Variants in CPNE3 observed in about 807,000 individuals in gnomAD.
CPNE3 encodes copine-3.
Under a neutral mutation model 63.9 loss-of-function variants are expected in CPNE3, and 68 were observed. That is an observed-to-expected ratio of 1.06 (90% CI 0.87 to 1.30). The LOEUF (loss-of-function observed/expected upper bound fraction) is 1.30, where lower values mean the gene tolerates loss of function less well. CPNE3 is among the 50% of genes most tolerant of loss of function. The pLI is 0.00. For missense variants in CPNE3, 665 were observed against 578.1 expected (o/e 1.15, Z -1.54); for synonymous variants, 219 against 197.5 (o/e 1.11, Z -0.91).
chr8:86,524,373 T>C lies in CPNE3; in HGVS notation c.-10-4163T>C, dbSNP rs531291060. ...CAGCTCCTTATGTTTATCTCTGTTA[T>C]AATATTGATTCAGAACGTTAGGGTG... is the stretch of plus-strand genomic sequence containing the variant. On this transcript the variant is annotated intron_variant, in intron 2 of 16. Transcript: ENST00000517490. Among the ~76,000 whole-genome samples the C allele has an allele frequency of 6.6e-5, 10 of 152,320 alleles. No individual in the cohort carries two copies. The South Asian group carries it at 1.7e-3, about 25-fold the overall frequency.
In CPNE3 at chr8:86,539,657, G is replaced by A. The variant is rs943594700; in HGVS notation, c.544-588G>A. On this transcript the variant is annotated intron_variant, in intron 7 of 16. Coordinates refer to ENST00000517490, the MANE Select transcript of CPNE3 (RefSeq NM_003909.5). ...TTGCTATTAAAATCAATAATCCTCC[G>A]CAGTTTTTTTTTTTTTTTTTTTTGA... is the stretch of plus-strand genomic sequence containing the variant. Among the ~76,000 whole-genome samples the A allele has an allele frequency of 9.8e-5, 13 of 132,550 alleles. 2 individuals carry two copies. In the South Asian group the frequency reaches 1.9e-3, roughly 19 times the overall value. The allele number at this position is 132,550 out of a possible 152,430, so 87.0% of individuals were successfully genotyped here.
At chr8:86,517,209 A>G (rs1820335339) in intron 2 of CPNE3, among the ~76,000 whole-genome samples, 1 of 152,250 alleles carries the variant, frequency 6.6e-6, no homozygotes, top group Admixed American at 6.5e-5. Flanking sequence ...TTTAAAAGAC[A>G]TTAAAATTCA....
chr8:86,556,470 C>T (rs1821329327), intron 16 of CPNE3, 132 bp downstream of exon 16: 1 of 701,614 alleles, frequency 1.4e-6, no homozygotes, highest in Admixed American at 2.0e-5. Flanking sequence ...CATTTGAGAG[C>T]TCCGATTTGG....
chr8:86,519,776 C>T (rs970354484), intron 2 of CPNE3, among the ~76,000 whole-genome samples: 15 of 152,174 alleles, frequency 9.9e-5, no homozygotes, highest in African/African-American at 2.4e-4. Flanking sequence ...TGCAATGGCA[C>T]GATCTTGGCT....
chr8:86,523,001 C>G (rs764811888), intron 2 of CPNE3, among the ~76,000 whole-genome samples: 6 of 152,166 alleles, frequency 3.9e-5, no homozygotes, highest in Non-Finnish European at 5.9e-5. Context: ...ATTATTGTTT[C>G]AAGAAGCTTT....
Position 86,551,016 on chromosome 8 carries a change from G to A in CPNE3, c.1014-30G>A, listed in dbSNP as rs1301131107. 1.2e-5 allele frequency: 18 copies of A among 1,527,326 alleles called. No individual in the cohort carries two copies. The Admixed American group carries it at 3.6e-4, about 30-fold the overall frequency. The allele number at this position is 1,527,326 out of a possible 1,614,324, so 94.6% of individuals were successfully genotyped here. ...AAAGCTTTTTATTTTGGAAAAAACAGTATTTTATTAAATATTTTTTTCTTT... is the reference window on the plus strand; with the variant it reads ...AAAGCTTTTTATTTTGGAAAAAACAATATTTTATTAAATATTTTTTTCTTT... On this transcript the variant is annotated intron_variant, in intron 12 of 16. Coordinates refer to ENST00000517490, the MANE Select transcript of CPNE3 (RefSeq NM_003909.5).
chr8:86,547,686 A>C, intron 10 of CPNE3, 25 bp from the exon 11 acceptor site: 1 of 984,990 alleles, frequency 1.0e-6, no homozygotes. Context: ...GAGAGTTGTA[A>C]TTTTAAGTTT....
chr8:86,527,165 A>C (rs976867928), intron 2 of CPNE3, among the ~76,000 whole-genome samples: 1 of 152,152 alleles, frequency 6.6e-6, no homozygotes, highest in Non-Finnish European at 1.5e-5. Flanking sequence ...GGCAAAGGGC[A>C]TTAAATACTA....
chr8:86,530,863 T>A (rs1820664797), intron 4 of CPNE3, among the ~76,000 whole-genome samples: 1 of 151,946 alleles, frequency 6.6e-6, no homozygotes, highest in Non-Finnish European at 1.5e-5. Context: ...GGCTAATTTT[T>A]GTATTTTTAG....
chr8:86,541,703 CT>C (rs1820945155), intron 8 of CPNE3, among the ~76,000 whole-genome samples: 1 of 114,880 alleles, frequency 8.7e-6, no homozygotes, highest in African/African-American at 3.2e-5. Flanking sequence ...GAGACCGTGT[CT>C]TAAAAAAAAA....
intron 8 of CPNE3, 25 bp from the exon 9 acceptor site, chr8:86,544,715 A>T: frequency 8.6e-7 from 1 of 1,161,430 alleles, no homozygotes; most frequent in Non-Finnish European, 1.2e-6. Flanking sequence ...TGATTTTTAT[A>T]TATTTTTATT....
chr8:86,549,798 A>G (rs1162972272), intron 12 of CPNE3, among the ~76,000 whole-genome samples: 1 of 152,224 alleles, frequency 6.6e-6, no homozygotes, highest in Non-Finnish European at 1.5e-5. Flanking sequence ...GGGGAAGAGA[A>G]GAAAGGGACC....
chr8:86,558,059 G>A (rs1305275723), intron 16 of CPNE3, among the ~76,000 whole-genome samples: 1 of 151,996 alleles, frequency 6.6e-6, no homozygotes, highest in African/African-American at 2.4e-5. Context: ...TAGAATGCTG[G>A]CACCGAAAAA....
At position 86,548,180 on chromosome 8, in the gene CPNE3, AT is replaced by A; in HGVS notation, c.880-118del. The stretch of plus-strand genomic sequence containing the variant: ...ATTGTCTATGGAAATAGTGGTAGGC[AT>A]TTGTTAGGAAGTAGGCGCCAGGATG... On this transcript the variant is annotated intron_variant, in intron 11 of 16. Coordinates refer to ENST00000517490, the MANE Select transcript of CPNE3 (RefSeq NM_003909.5). 3.1e-6 allele frequency: 3 copies of A among 959,454 alleles called. No homozygotes were observed. The South Asian group carries it at 5.1e-5, about 16-fold the overall frequency. 59.4% of individuals were successfully genotyped at this position (959,454 alleles called of 1,614,324 possible).
At chr8:86,550,052 G>A (rs3779806) in intron 12 of CPNE3, among the ~76,000 whole-genome samples, 109,691 of 152,198 alleles carry the variant, frequency 0.72, 40,491 homozygotes, top group African/African-American at 0.83. Context: ...GAAGTTTAAT[G>A]TCAAAAGCAA....
At position 86,531,210 on chromosome 8, in the gene CPNE3, C is replaced by T; in HGVS notation, c.368C>T (p.Ala123Val). 7.9e-7 allele frequency: 1 copy of T among 1,262,184 alleles called. No individual in the cohort carries two copies. The highest frequency in any genetic ancestry group is 2.3e-5 in the East Asian group (1 of 43,330). The allele number at this position is 1,262,184 out of a possible 1,614,324, so 78.2% of individuals were successfully genotyped here. Reference sequence around the variant, plus strand: ...CTGGTGATGAAAACTGGCAGACCTGCAGGAAAAGGGAGCATTACGGTAAAA... The same window carrying T: ...CTGGTGATGAAAACTGGCAGACCTGTAGGAAAAGGGAGCATTACGGTAAAA... ...RPLVMKTGRP[A>V]GKGSITISAE... is the part of the protein sequence containing the mutation. The change falls in exon 5 of 17, where the codon GCA becomes GTA. Residue 123 changes from alanine (A) to valine (V), a missense_variant. Physicochemically the swap from Ala to Val is moderately conservative, Grantham distance 64 (BLOSUM62 0). Transcript: ENST00000517490.
chr8:86,551,765 G>T (rs1176476728), intron 14 of CPNE3, among the ~76,000 whole-genome samples: 1 of 152,162 alleles, frequency 6.6e-6, no homozygotes, highest in Admixed American at 6.5e-5. Flanking sequence ...TTCTATAGCA[G>T]CTTTCCTCTG....
intron 7 of CPNE3, among the ~76,000 whole-genome samples, chr8:86,538,798 C>G (rs866465483): frequency 2.0e-5 from 3 of 152,130 alleles, no homozygotes; most frequent in South Asian, 4.1e-4. Context: ...TGCCAGGCTG[C>G]CCAGCATTGA....
At chr8:86,528,914 G>T in intron 3 of CPNE3, 31 bp from the exon 4 acceptor site, 1 of 1,580,194 alleles carries the variant, frequency 6.3e-7, no homozygotes, top group African/African-American at 1.4e-5. Context: ...TTGATCTGAA[G>T]AAACTTTTTT....
Sources: gnomAD v4.1 joint callset for allele counts (sites outside exome capture counted in the v4.1 genomes callset) on GRCh38, gnomAD v4.1.1 for gene constraint, MANE v1.5 for transcripts, NCBI Gene and HGNC (gene_info 2026-07-23, HGNC 2026-07-21) for gene names.